The following COG7 variants were observed in gnomAD, a reference collection of about 807,000 sequenced individuals.
COG7 encodes the protein component of oligomeric golgi complex 7.
COG7 carries 49 observed loss-of-function variants against 91.5 expected under a neutral mutation model. The ratio of observed to expected loss-of-function variants is 0.54; its 90% CI spans 0.43 to 0.68. The LOEUF (loss-of-function observed/expected upper bound fraction) is 0.68, where lower values mean the gene tolerates loss of function less well. Ranked by LOEUF, COG7 falls within the 30% of genes least tolerant of loss-of-function variation. The pLI is 0.00. For synonymous variants in COG7, 365 were observed against 388.7 expected, an observed-to-expected ratio of 0.94 and a Z score of 0.72; for missense variants, 895 against 961.3, an observed-to-expected ratio of 0.93 and a Z score of 0.91.
At chr16:23,442,691 C>T (rs774140360) in intron 3 of COG7, 46 bp from the exon 4 acceptor site, 20 of 1,503,092 alleles carry the variant, frequency 1.3e-5, no homozygotes, top group East Asian at 4.5e-5. Context: ...ATGATCCCTA[C>T]TGCCTCAATT....
At chr16:23,405,470 C>T (rs889047046) in intron 12 of COG7, among the ~76,000 whole-genome samples, 3 of 151,834 alleles carry the variant, frequency 2.0e-5, no homozygotes, top group Non-Finnish European at 2.9e-5. Context: ...GAGTGAATTA[C>T]AGCAAGTCCC....
intron 11 of COG7, among the ~76,000 whole-genome samples, chr16:23,409,088 T>TGTGTGTGTGTGTGTGTGTGC (rs567307217): frequency 2.0e-5 from 3 of 147,806 alleles, no homozygotes; most frequent in East Asian, 2.0e-4. Context: ...TGTGTGTGTG[T>TGTGTGTGTGTGTGTGTGTGC]GCGTGCATGT....
intron 1 of COG7, among the ~76,000 whole-genome samples, chr16:23,448,359 T>C (rs1964214544): frequency 6.6e-6 from 1 of 152,182 alleles, no homozygotes; most frequent in Non-Finnish European, 1.5e-5. Context: ...GTCCCCCACA[T>C]TGGAGTGCTG....
chr16:23,428,148 G>C (rs995842115), intron 6 of COG7, among the ~76,000 whole-genome samples: 1 of 151,948 alleles, frequency 6.6e-6, no homozygotes, highest in Non-Finnish European at 1.5e-5. Flanking sequence ...TTGTACTCCA[G>C]CCTGACCAAC....
chr16:23,405,516 CCT>C (rs1491553489), intron 12 of COG7, among the ~76,000 whole-genome samples: 1 of 150,250 alleles, frequency 6.7e-6, no homozygotes, highest in African/African-American at 2.4e-5. Context: ...TCTCTTTTTT[CCT>C]TTTTTTTTTT....
At position 23,406,255 on chromosome 16, in the gene COG7, A is replaced by G. The variant is rs748398806; in HGVS notation, c.1483T>C (p.Ser495Pro). The G allele has an allele frequency of 6.2e-7, 1 of 1,613,956 alleles. No homozygotes were observed. The highest frequency in any genetic ancestry group is 8.5e-7 in the Non-Finnish European group (1 of 1,179,884). ...FEQQLANRIL[S>P]TAGKYLSDSC... Reference sequence around the variant, plus strand: ...TCAGATAGATACTTCCCAGCTGTGGACAAAATCCTGTAATGAAAGGAATGA... The same window carrying G: ...TCAGATAGATACTTCCCAGCTGTGGGCAAAATCCTGTAATGAAAGGAATGA... The change falls in exon 12 of 17, where the codon TCC (serine) becomes CCC (proline). Residue 495 changes from serine (S) to proline (P), a missense_variant. Ser to Pro is a moderately conservative substitution (Grantham distance 74). Transcript: ENST00000307149.
chr16:23,449,495 G>A (rs1964233417), intron 1 of COG7, among the ~76,000 whole-genome samples: 1 of 151,416 alleles, frequency 6.6e-6, no homozygotes, highest in East Asian at 1.9e-4. Context: ...TGTAATCCCA[G>A]CACTTTGGGA....
At position 23,393,034 on chromosome 16, in the gene COG7, G is replaced by A. The variant is rs30020; in HGVS notation, c.2002+199C>T. On this transcript the variant is annotated intron_variant, in intron 15 of 16. Transcript: ENST00000307149. ...GAAAGTGGAAATACCAGTGCGTTCC[G>A]CAGTGGGATGTGGTTATAGATTTTT... 1 allele frequency among the ~76,000 whole-genome samples: 152,309 copies of A among 152,310 alleles called. 76,154 individuals are homozygous for A. The highest frequency in any genetic ancestry group is 1 in the Non-Finnish European group (68,036 of 68,036).
intron 14 of COG7, among the ~76,000 whole-genome samples, chr16:23,397,608 T>A (rs902314270): frequency 6.6e-6 from 1 of 152,218 alleles, no homozygotes; most frequent in Non-Finnish European, 1.5e-5. Flanking sequence ...TTTGTTGCTA[T>A]GAAGTTAAAC....
Position 23,418,946 on chromosome 16 carries a change from T to C in COG7, c.1010-119A>G, listed in dbSNP as rs575790381. The stretch of plus-strand genomic sequence containing the variant: ...TCCCCATTTGATCTCCAGAGGGGAC[T>C]ATATTTTGTTAAGCAGCTTTTATCA... On this transcript the variant is annotated intron_variant, in intron 7 of 16. Coordinates refer to ENST00000307149, the MANE Select transcript of COG7 (RefSeq NM_153603.4). The C allele has an allele frequency of 7.2e-6, 6 of 838,002 alleles. No individual in the cohort carries two copies. The Admixed American group carries it at 8.0e-5, about 11-fold the overall frequency. 51.9% of individuals were successfully genotyped at this position (838,002 alleles called of 1,614,324 possible). A position where few individuals can be genotyped will look rare whatever the true frequency, so the allele number is the denominator to read the frequency against.
At chr16:23,403,565 T>C in intron 13 of COG7, 129 bp downstream of exon 13, 2 of 1,194,466 alleles carry the variant, frequency 1.7e-6, no homozygotes, top group Non-Finnish European at 2.5e-6. Flanking sequence ...AGTGGCTCTT[T>C]CCGGCTTGGG....
At chr16:23,449,469 C>T (rs990166082) in intron 1 of COG7, among the ~76,000 whole-genome samples, 12 of 150,586 alleles carry the variant, frequency 8.0e-5, no homozygotes, top group Middle Eastern at 6.5e-3. Context: ...ACAGTCCAGG[C>T]GCAATAGCTC....
At chr16:23,431,198 G>A (rs895164709) in intron 6 of COG7, among the ~76,000 whole-genome samples, 2 of 152,072 alleles carry the variant, frequency 1.3e-5, no homozygotes, top group African/African-American at 2.4e-5. Context: ...TTTATATATT[G>A]GAAATTTCTC....
intron 4 of COG7, among the ~76,000 whole-genome samples, chr16:23,436,284 T>C (rs1360804885): frequency 1.3e-5 from 2 of 152,182 alleles, no homozygotes; most frequent in African/African-American, 4.8e-5. Context: ...ATTAAAATAA[T>C]TCTATAAAAA....
chr16:23,388,864 T>A lies in COG7; in HGVS notation c.*56A>T, dbSNP rs906856281. ...GCAGAGTTTCTGAGCAAATCTGTGC[T>A]GGTGAGTCGCGAAACAGCAGCCCTG... is the stretch of plus-strand genomic sequence containing the variant. On this transcript the variant is annotated 3_prime_UTR_variant, in exon 17 of 17. Transcript: ENST00000307149. 6 of 1,612,302 alleles carry A rather than the reference T, an allele frequency of 3.7e-6. No individual in the cohort carries two copies. The highest frequency in any genetic ancestry group is 5.1e-6 in the Non-Finnish European group (6 of 1,179,488).
At position 23,430,568 on chromosome 16, in the gene COG7, T is replaced by TTC. The variant is rs768711958; in HGVS notation, c.810+2975_810+2976dup. Among the ~76,000 whole-genome samples the TTC allele has an allele frequency of 4.6e-5, 7 of 151,936 alleles. No homozygotes were observed. The East Asian group carries it at 1.4e-3, about 30-fold the overall frequency. On this transcript the variant is annotated intron_variant, in intron 6 of 16. Coordinates refer to ENST00000307149, the MANE Select transcript of COG7 (RefSeq NM_153603.4). Reference sequence around the variant, plus strand: ...CTCTGTTTTTTTTTTTTGAGATGGATTCTCGCTCTGTTGCCCAGGTTGGAG... The same window carrying TTC: ...CTCTGTTTTTTTTTTTTGAGATGGATTCTCTCGCTCTGTTGCCCAGGTTGGAG...
intron 3 of COG7, 43 bp downstream of exon 3, chr16:23,445,005 T>G: frequency 7.0e-7 from 1 of 1,433,042 alleles, no homozygotes; most frequent in African/African-American, 1.4e-5. Flanking sequence ...CTCAAGTTCT[T>G]GCTTAAATAC....
Position 23,434,680 on chromosome 16 carries a change from C to A in COG7, c.643G>T (p.Asp215Tyr). The change falls in exon 5 of 17, where the codon GAC (aspartate) becomes TAC (tyrosine). Residue 215 changes from aspartate to tyrosine, a missense_variant. Asp to Tyr is a radical substitution (Grantham distance 160). Transcript: ENST00000307149. The stretch of plus-strand genomic sequence containing the variant: ...TAGGCCAGGAGCTGGGGCATCCGGT[C>A]AATTTCAGTAAACACCTTCACAAAC... ...KVFVKVFTEI[D>Y]RMPQLLAYYY... The A allele has an allele frequency of 1.2e-6, 2 of 1,613,858 alleles. No homozygotes were observed. The highest frequency in any genetic ancestry group is 2.2e-5 in the South Asian group (2 of 91,054).
intron 4 of COG7, among the ~76,000 whole-genome samples, chr16:23,439,191 G>A (rs1187431085): frequency 6.2e-5 from 8 of 129,458 alleles, no homozygotes; most frequent in African/African-American, 2.4e-4. Flanking sequence ...ATAGGCATAT[G>A]ATCCAGCAAT....
Sources: gnomAD v4.1 joint callset for allele counts (sites outside exome capture counted in the v4.1 genomes callset) on GRCh38, gnomAD v4.1.1 for gene constraint, MANE v1.5 for transcripts, NCBI Gene and HGNC (gene_info 2026-07-23, HGNC 2026-07-21) for gene names.